NIPBL: variants seen among roughly 807,000 people sequenced by gnomAD.
The protein encoded by NIPBL is NIPBL cohesin loading factor.
In NIPBL, 19 loss-of-function variants were observed where a neutral mutation model predicts 321.8. The ratio of observed to expected loss-of-function variants is 0.06; its 90% CI spans 0.04 to 0.09. The LOEUF (loss-of-function observed/expected upper bound fraction) is 0.09, where lower values mean the gene tolerates loss of function less well. Among genes scored for constraint, NIPBL ranks in the 10% least tolerant of loss-of-function variants. NIPBL has a pLI of 1.00. For missense variants in NIPBL, 2,210 were observed against 3,327.0 expected (o/e 0.66, Z 8.26); for synonymous variants, 1,106 against 1,114.1 (o/e 0.99, Z 0.14).
chr5:37,053,656 T>C (rs1054640290), intron 42 of NIPBL, among the ~76,000 whole-genome samples: 1 of 152,176 alleles, frequency 6.6e-6, no homozygotes, highest in African/African-American at 2.4e-5. Context: ...ATTGGGGAGA[T>C]TACCATAATT....
intron 1 of NIPBL, among the ~76,000 whole-genome samples, chr5:36,951,209 A>T (rs1423642501): frequency 6.6e-6 from 1 of 152,168 alleles, no homozygotes; most frequent in Non-Finnish European, 1.5e-5. Flanking sequence ...TCTAGTTCAT[A>T]CATGGGTAAC....
At chr5:37,003,407 C>A in intron 16 of NIPBL, 60 bp downstream of exon 16, 1 of 919,564 alleles carries the variant, frequency 1.1e-6, no homozygotes, top group Non-Finnish European at 1.8e-6. Flanking sequence ...CTATAGTAGT[C>A]CCCCACTTCT....
Position 37,007,415 on chromosome 5 carries a change from G to A in NIPBL, c.4180G>A (p.Val1394Ile). 6.2e-7 allele frequency: 1 copy of A among 1,611,738 alleles called. No individual in the cohort carries two copies. The highest frequency in any genetic ancestry group is 8.5e-7 in the Non-Finnish European group (1 of 1,178,366). ...VMLYNKVCDI[V>I]SSLSELLEIQ... ...GCTTTATAACAAAGTTTGTGACATT[G>A]TTAGCAGCTTATCAGAATTGCTAGA... Residue 1394 changes from valine to isoleucine, a missense_variant, in exon 18 of 47, where the codon GTT (valine) becomes ATT (isoleucine). Physicochemically the swap from Val to Ile is conservative, Grantham distance 29. Coordinates refer to ENST00000282516, the MANE Select transcript of NIPBL (RefSeq NM_133433.4).
intron 10 of NIPBL, among the ~76,000 whole-genome samples, chr5:36,992,189 G>A (rs1745603718): frequency 6.6e-6 from 1 of 152,106 alleles, no homozygotes; most frequent in South Asian, 2.1e-4. Flanking sequence ...CATCAAGCCA[G>A]TAACATAAAG....
chr5:36,947,918 G>T (rs1257665676), intron 1 of NIPBL, among the ~76,000 whole-genome samples: 1 of 151,740 alleles, frequency 6.6e-6, no homozygotes, highest in Non-Finnish European at 1.5e-5. Flanking sequence ...ATTTAGCTTG[G>T]TTGATGAGCT....
chr5:36,986,383 C>T, intron 10 of NIPBL, 82 bp downstream of exon 10: 2 of 985,162 alleles, frequency 2.0e-6, no homozygotes, highest in Middle Eastern at 3.6e-4. Flanking sequence ...AGGAAATTTA[C>T]AAAAATTAGA....
chr5:36,979,565 G>C (rs887216876), intron 9 of NIPBL, among the ~76,000 whole-genome samples: 1 of 151,584 alleles, frequency 6.6e-6, no homozygotes, highest in South Asian at 2.1e-4. Flanking sequence ...TTCCTATTTG[G>C]ATGCCTAATA....
At chr5:36,992,976 C>T (rs1403643259) in intron 10 of NIPBL, among the ~76,000 whole-genome samples, 4 of 151,906 alleles carry the variant, frequency 2.6e-5, no homozygotes, top group Admixed American at 2.0e-4. Context: ...CTCCTGACCT[C>T]GTGATCCACC....
At chr5:37,041,666 G>T (rs181511611) in intron 34 of NIPBL, among the ~76,000 whole-genome samples, 8 of 151,674 alleles carry the variant, frequency 5.3e-5, no homozygotes, top group Non-Finnish European at 1.0e-4. Context: ...AGGTTCAAGC[G>T]ATTCTCATGC....
At chr5:36,899,279 A>G (rs1400646518) in intron 1 of NIPBL, among the ~76,000 whole-genome samples, 1 of 151,844 alleles carries the variant, frequency 6.6e-6, no homozygotes, top group Non-Finnish European at 1.5e-5. Flanking sequence ...AAAACTTAAT[A>G]CCTCTTGTTT....
chr5:37,003,444 G>A lies in NIPBL; in HGVS notation c.3855+97G>A, dbSNP rs1439167728. On this transcript the variant is annotated intron_variant, in intron 16 of 46. Transcript: ENST00000282516. ...TATTGTTTCATTTTCCATTTTCTCAGTTACCTACAGTCAACTGTGATCTGA... is the reference window on the plus strand; with the variant it reads ...TATTGTTTCATTTTCCATTTTCTCAATTACCTACAGTCAACTGTGATCTGA... 4.2e-6 allele frequency: 3 copies of A among 717,806 alleles called. No homozygotes were observed. In the African/African-American group the frequency reaches 5.3e-5, roughly 13 times the overall value. The allele number at this position is 717,806 out of a possible 1,614,324, so 44.5% of individuals were successfully genotyped here.
rs1031666090 is a variant in NIPBL, at chr5:37,014,829, T to A, written c.4643+64T>A. On this transcript the variant is annotated intron_variant, in intron 22 of 46. Transcript: ENST00000282516. ...CAGTATAGAGAATAGTTCATTTTTTTAAAAAGATGAATCCAATTTCCTGCC... is the reference window on the plus strand; with the variant it reads ...CAGTATAGAGAATAGTTCATTTTTTAAAAAAGATGAATCCAATTTCCTGCC... 1.8e-3 allele frequency: 1,708 copies of A among 958,894 alleles called. 3 individuals carry two copies. The highest frequency in any genetic ancestry group is 1.8e-3 in the Non-Finnish European group (1,085 of 587,254). 59.4% of individuals were successfully genotyped at this position (958,894 alleles called of 1,614,324 possible). A position where few individuals can be genotyped will look rare whatever the true frequency, so the allele number is the denominator to read the frequency against.
chr5:37,036,447 C>A lies in NIPBL; in HGVS notation c.5931C>A (p.Asn1977Lys). 1 of 1,468,894 alleles carries A rather than the reference C, an allele frequency of 6.8e-7. No individual in the cohort carries two copies. Among genetic ancestry groups the A allele is most frequent in the Non-Finnish European group, 9.1e-7 (1 of 1,101,242 alleles). The allele number at this position is 1,468,894 out of a possible 1,614,324, so 91.0% of individuals were successfully genotyped here. ...VKKACTQLVD[N>K]LVEHILKYEE... The stretch of plus-strand genomic sequence containing the variant: ...AAGCTTGTACTCAACTTGTTGATAA[C>A]CTAGTTGAGCACATTCTTAAATATG... Residue 1977 changes from asparagine to lysine, a missense_variant, in exon 33 of 47, where the codon AAC (asparagine) becomes AAA (lysine). Asn to Lys is a moderately conservative substitution (Grantham distance 94, BLOSUM62 0). Coordinates refer to ENST00000282516, the MANE Select transcript of NIPBL (RefSeq NM_133433.4).
rs976560150 is a variant in NIPBL at position 36,876,939 on chromosome 5, C to T, written c.-319C>T. On this transcript the variant is annotated 5_prime_UTR_variant, in exon 1 of 47. Transcript: ENST00000282516. ...TGGTTCCCGGGCCCGCGGCGATGCCCCCCCGGTAGCTCGGGCCCGTGGTCG... is the reference window on the plus strand; with the variant it reads ...TGGTTCCCGGGCCCGCGGCGATGCCTCCCCGGTAGCTCGGGCCCGTGGTCG... 7.6e-6 allele frequency: 3 copies of T among 392,916 alleles called. No individual in the cohort carries two copies. The highest frequency in any genetic ancestry group is 4.4e-5 in the Admixed American group (1 of 22,518). The allele number at this position is 392,916 out of a possible 1,614,324, so 24.3% of individuals were successfully genotyped here.
chr5:37,001,304 A>G (rs1746772109), intron 14 of NIPBL, among the ~76,000 whole-genome samples: 3 of 152,206 alleles, frequency 2.0e-5, no homozygotes, highest in Admixed American at 6.6e-5. Flanking sequence ...TTAAGGCTTA[A>G]CTCAGTTACT....
At chr5:37,030,315 T>C (rs753427194) in intron 32 of NIPBL, among the ~76,000 whole-genome samples, 2 of 152,140 alleles carry the variant, frequency 1.3e-5, no homozygotes, top group Non-Finnish European at 2.9e-5. Flanking sequence ...ACCAATGATA[T>C]TGTGACTTTG....
In NIPBL at chr5:36,877,066, C is replaced by A; in HGVS notation, c.-192C>A. On this transcript the variant is annotated 5_prime_UTR_variant, in exon 1 of 47. Transcript: ENST00000282516. ...TCTCCCCCCGGCTCTACATGTTCCCCGCACTGAGGAGACGGAAGAGGAGCC... is the reference window on the plus strand; with the variant it reads ...TCTCCCCCCGGCTCTACATGTTCCCAGCACTGAGGAGACGGAAGAGGAGCC... 8.5e-6 allele frequency: 3 copies of A among 353,612 alleles called. No homozygotes were observed. The highest frequency in any genetic ancestry group is 1.5e-5 in the Non-Finnish European group (3 of 198,062). 21.9% of individuals were successfully genotyped at this position (353,612 alleles called of 1,614,324 possible).
At position 36,969,129 on chromosome 5, in the gene NIPBL, A is replaced by G. The variant is rs535168196; in HGVS notation, c.611-1747A>G. Among the ~76,000 whole-genome samples the G allele has an allele frequency of 4.6e-5, 7 of 152,334 alleles. No individual in the cohort carries two copies. In the South Asian group the frequency reaches 1.2e-3, roughly 27 times the overall value. On this transcript the variant is annotated intron_variant, in intron 6 of 46. Coordinates refer to ENST00000282516, the MANE Select transcript of NIPBL (RefSeq NM_133433.4). ...AAGATGTAAAAGACTTTTGTGGAGC[A>G]AATTACAAAACTTTTGAAAGAGATA...
At chr5:37,016,281 A>G (rs1024403875) in intron 23 of NIPBL, 111 bp downstream of exon 23, 18 of 1,105,574 alleles carry the variant, frequency 1.6e-5, no homozygotes, top group South Asian at 2.6e-5. Context: ...AAATATGAAC[A>G]TTGCATCTCT....
Sources: allele counts gnomAD v4.1 joint callset (sites outside exome capture counted in the v4.1 genomes callset), GRCh38; gene constraint gnomAD v4.1.1; transcripts MANE v1.5; gene names NCBI Gene and HGNC (gene_info 2026-07-23, HGNC 2026-07-21).